The following PTPRK variants were observed in gnomAD, a reference collection of about 807,000 sequenced individuals.
PTPRK encodes the protein receptor-type tyrosine-protein phosphatase kappa.
Under a neutral mutation model 178.0 loss-of-function variants are expected in PTPRK, and 75 were observed. That is an observed-to-expected ratio of 0.42 (90% confidence interval 0.35 to 0.51). The LOEUF (loss-of-function observed/expected upper bound fraction) is 0.51, where lower values mean the gene tolerates loss of function less well. Ranked by LOEUF, PTPRK falls within the 20% of genes least tolerant of loss-of-function variation. PTPRK has a pLI of 0.02. For missense variants in PTPRK, 1,441 were observed against 1,797.8 expected (o/e 0.80, Z 3.59); for synonymous variants, 637 against 620.6 (o/e 1.03, Z -0.39).
intron 13 of PTPRK, among the ~76,000 whole-genome samples, chr6:128,058,094 G>C (rs1350085719): frequency 2.0e-5 from 3 of 152,112 alleles, no homozygotes; most frequent in Non-Finnish European, 4.4e-5. Context: ...GTTATTTCCA[G>C]TTTGTTGCTT....
At chr6:128,489,110 G>A (rs1326626604) in intron 1 of PTPRK, among the ~76,000 whole-genome samples, 2 of 152,048 alleles carry the variant, frequency 1.3e-5, no homozygotes, top group African/African-American at 2.4e-5. Context: ...TGATTCTCTA[G>A]TACACTTTCC....
intron 7 of PTPRK, among the ~76,000 whole-genome samples, chr6:128,114,134 A>G (rs1461035880): frequency 6.6e-6 from 1 of 152,018 alleles, no homozygotes; most frequent in Non-Finnish European, 1.5e-5. Context: ...GCTTTTTCAC[A>G]CAGCTGTAAA....
intron 13 of PTPRK, among the ~76,000 whole-genome samples, chr6:128,009,657 G>A (rs1210338512): frequency 1.3e-5 from 2 of 151,232 alleles, no homozygotes; most frequent in Non-Finnish European, 3.0e-5. Context: ...TCAAATGCCA[G>A]GTGGTATGCT....
In PTPRK at chr6:128,080,542, AGTT is replaced by A. The variant is rs562596081; in HGVS notation, c.1778-1627_1778-1625del. ...ATTAGAAGATTAATTATTATCTGAGAGTTTTTTAGGAAGCAGAAACAACAAATA... is the reference window on the plus strand; with the variant it reads ...ATTAGAAGATTAATTATTATCTGAGATTTTAGGAAGCAGAAACAACAAATA... On this transcript the variant is annotated intron_variant, in intron 10 of 29. Coordinates refer to ENST00000368226, the MANE Select transcript of PTPRK (RefSeq NM_002844.4). 6.0e-4 allele frequency among the ~76,000 whole-genome samples: 92 copies of A among 152,170 alleles called. 1 individual carries two copies. Among genetic ancestry groups the A allele is most frequent in the African/African-American group, 2.1e-3 (88 of 41,528 alleles).
chr6:128,512,823 C>A (rs1857382321), intron 1 of PTPRK, among the ~76,000 whole-genome samples: 1 of 152,120 alleles, frequency 6.6e-6, no homozygotes, highest in Non-Finnish European at 1.5e-5. Context: ...AACTCCCATT[C>A]ATTAAATTTG....
chr6:128,471,893 T>C (rs1471431872), intron 1 of PTPRK, among the ~76,000 whole-genome samples: 13 of 151,552 alleles, frequency 8.6e-5, no homozygotes, highest in East Asian at 5.8e-4. Context: ...AATAAGAACA[T>C]AGCAGAAGCA....
At chr6:128,446,578 CAG>C (rs1481992879) in intron 1 of PTPRK, among the ~76,000 whole-genome samples, 1 of 152,074 alleles carries the variant, frequency 6.6e-6, no homozygotes, top group African/African-American at 2.4e-5. Context: ...TGTAAACGAG[CAG>C]ATCTGAATAG....
At chr6:128,286,052 T>C (rs1207613572) in intron 3 of PTPRK, among the ~76,000 whole-genome samples, 1 of 152,068 alleles carries the variant, frequency 6.6e-6, no homozygotes, top group Non-Finnish European at 1.5e-5. Flanking sequence ...GTTGTCTCTG[T>C]AACCAAACCC....
At chr6:128,169,631 T>C (rs541782091) in intron 7 of PTPRK, among the ~76,000 whole-genome samples, 1 of 152,048 alleles carries the variant, frequency 6.6e-6, no homozygotes, top group African/African-American at 2.4e-5. Flanking sequence ...TCATTTAACA[T>C]TGTATTATGT....
chr6:128,248,785 T>G (rs1182076605), intron 3 of PTPRK, among the ~76,000 whole-genome samples: 1 of 152,172 alleles, frequency 6.6e-6, no homozygotes, highest in African/African-American at 2.4e-5. Context: ...AAGAAAAATT[T>G]GACTAAGGAT....
chr6:128,322,343 A>G lies in PTPRK; in HGVS notation c.224-33T>C, dbSNP rs1261526590. ...GACATTACAAATAATAATGCTAAAG[A>G]GATATATAAGCAAAGGGAACATATA... On this transcript the variant is annotated intron_variant, in intron 2 of 29. Transcript: ENST00000368226. 2.0e-6 allele frequency: 3 copies of G among 1,511,458 alleles called. No individual in the cohort carries two copies. The Admixed American group carries it at 5.4e-5, about 27-fold the overall frequency. 93.6% of individuals were successfully genotyped at this position (1,511,458 alleles called of 1,614,324 possible).
chr6:128,394,790 A>T (rs1014730575), intron 2 of PTPRK, among the ~76,000 whole-genome samples: 3 of 152,134 alleles, frequency 2.0e-5, no homozygotes, highest in African/African-American at 7.2e-5. Flanking sequence ...GAATAGAAAC[A>T]ATTTTTTTTA....
intron 7 of PTPRK, among the ~76,000 whole-genome samples, chr6:128,126,111 A>G (rs554923432): frequency 6.6e-6 from 1 of 152,140 alleles, no homozygotes; most frequent in Admixed American, 6.5e-5. Flanking sequence ...CAGGTTTGTT[A>G]CATAGGTATA....
At chr6:128,397,428 G>T in intron 2 of PTPRK, 138 bp downstream of exon 2, 1 of 939,262 alleles carries the variant, frequency 1.1e-6, no homozygotes. Context: ...CAAAGAATAA[G>T]GCTCTTAGAA....
intron 1 of PTPRK, among the ~76,000 whole-genome samples, chr6:128,506,261 G>A (rs1856321635): frequency 6.6e-6 from 1 of 152,168 alleles, no homozygotes; most frequent in Non-Finnish European, 1.5e-5. Flanking sequence ...GATGGGCACT[G>A]CTTGGAGTGG....
At chr6:128,134,012 C>T (rs1186755922) in intron 7 of PTPRK, among the ~76,000 whole-genome samples, 1 of 152,098 alleles carries the variant, frequency 6.6e-6, no homozygotes, top group Non-Finnish European at 1.5e-5. Context: ...AGTGACAAAA[C>T]AGTTTTGACA....
chr6:128,047,144 T>C (rs1027796121), intron 13 of PTPRK, among the ~76,000 whole-genome samples: 3 of 152,188 alleles, frequency 2.0e-5, no homozygotes, highest in Admixed American at 6.6e-5. Flanking sequence ...GTATGTCTTA[T>C]GCATTTGGAT....
intron 7 of PTPRK, among the ~76,000 whole-genome samples, chr6:128,118,746 A>T (rs1272048939): frequency 6.6e-6 from 1 of 152,120 alleles, no homozygotes; most frequent in Non-Finnish European, 1.5e-5. Flanking sequence ...ACCTTTTTCC[A>T]CTTGAGAAAT....
chr6:128,383,760 T>C (rs1273297871), intron 2 of PTPRK, among the ~76,000 whole-genome samples: 1 of 152,210 alleles, frequency 6.6e-6, no homozygotes, highest in African/African-American at 2.4e-5. Context: ...CTTAATTCTA[T>C]TGTCAAGAAC....
Sources: gnomAD v4.1 joint callset for allele counts (sites outside exome capture counted in the v4.1 genomes callset) on GRCh38, gnomAD v4.1.1 for gene constraint, MANE v1.5 for transcripts, NCBI Gene and HGNC (gene_info 2026-07-23, HGNC 2026-07-21) for gene names.